BRD10: variants seen among roughly 807,000 people sequenced by gnomAD.
BRD10 encodes the protein uncharacterized bromodomain-containing protein 10.
chr9:6,008,446 G>GA, the BRD10 span, among the ~76,000 whole-genome samples: 1 of 151,746 alleles, frequency 6.6e-6, no homozygotes, highest in East Asian at 2.0e-4. Context: ...GAGAAGCAAA[G>GA]AAAGAGGCCC....
At chr9:5,905,251 C>G in the BRD10 span, among the ~76,000 whole-genome samples, 1 of 152,176 alleles carries the variant, frequency 6.6e-6, no homozygotes, top group East Asian at 1.9e-4. Flanking sequence ...ATCCTCCAAA[C>G]AACTGAATGG....
At chr9:5,880,556 C>G in the BRD10 span, among the ~76,000 whole-genome samples, 1 of 152,062 alleles carries the variant, frequency 6.6e-6, no homozygotes, top group Non-Finnish European at 1.5e-5. Context: ...CAAAAAAACA[C>G]TGAAGTTCTT....
chr9:5,914,410 G>GTTTTTTTTTTTTTT, the BRD10 span, among the ~76,000 whole-genome samples: 1 of 75,458 alleles, frequency 1.3e-5, no homozygotes, highest in African/African-American at 5.9e-5. Context: ...AATCCAGATG[G>GTTTTTTTTTTTTTT]TTTTTTTTTT....
At chr9:5,936,042 T>G in the BRD10 span, among the ~76,000 whole-genome samples, 9 of 152,348 alleles carry the variant, frequency 5.9e-5, no homozygotes, top group South Asian at 1.7e-3. Flanking sequence ...TTACTTATTT[T>G]TTTCAATTGC....
At chr9:5,967,754 AG>A in the BRD10 span, among the ~76,000 whole-genome samples, 1 of 152,052 alleles carries the variant, frequency 6.6e-6, no homozygotes, top group African/African-American at 2.4e-5. Flanking sequence ...GTCCAGAGAA[AG>A]GTAAAAACAT....
the BRD10 span, chr9:5,988,640 C>CTTTT: frequency 3.5e-6 from 3 of 860,176 alleles, no homozygotes; most frequent in Non-Finnish European, 5.5e-6. Context: ...TTGCTAAATA[C>CTTTT]ATAAAAGTAT....
the BRD10 span, among the ~76,000 whole-genome samples, chr9:5,944,281 C>T: frequency 3.3e-5 from 5 of 151,820 alleles, no homozygotes; most frequent in Admixed American, 1.3e-4. Context: ...TACCAAGTAT[C>T]AGGTGAATAA....
At chr9:6,004,170 G>C in the BRD10 span, among the ~76,000 whole-genome samples, 3 of 152,102 alleles carry the variant, frequency 2.0e-5, no homozygotes, top group Admixed American at 6.5e-5. Context: ...CGTCTCACTT[G>C]TCATCCCCAC....
At chr9:5,988,516 A>C in the BRD10 span, 1 of 1,613,900 alleles carries the variant, frequency 6.2e-7, no homozygotes, top group Non-Finnish European at 8.5e-7. Flanking sequence ...TCTAGATGTA[A>C]CTGCTATCGT....
the BRD10 span, among the ~76,000 whole-genome samples, chr9:5,902,092 C>G: frequency 6.6e-6 from 1 of 152,168 alleles, no homozygotes; most frequent in Non-Finnish European, 1.5e-5. Context: ...GGTATAATAT[C>G]TTTCTTAAAT....
chr9:5,920,033 G>T, the BRD10 span: 8 of 1,613,866 alleles, frequency 5.0e-6, no homozygotes, highest in Non-Finnish European at 6.8e-6. Flanking sequence ...CTTAGCAGTT[G>T]TGTTTATGAG....
At chr9:5,910,426 T>A in the BRD10 span, 3 of 152,234 alleles carry the variant, frequency 2.0e-5, no homozygotes, top group Non-Finnish European at 2.9e-5. Flanking sequence ...CAAGTCTTAC[T>A]ACTTAAAATA....
chr9:5,946,817 A>G, the BRD10 span, among the ~76,000 whole-genome samples: 1 of 152,256 alleles, frequency 6.6e-6, no homozygotes, highest in African/African-American at 2.4e-5. Context: ...GAAGACATAT[A>G]CCCCTAGAAC....
chr9:5,932,602 A>G, the BRD10 span, among the ~76,000 whole-genome samples: 1 of 152,148 alleles, frequency 6.6e-6, no homozygotes, highest in Non-Finnish European at 1.5e-5. Context: ...ATACATAAAG[A>G]CTACACCATT....
chr9:5,952,039 AGAGACAGAG>A, the BRD10 span, among the ~76,000 whole-genome samples: 1 of 151,502 alleles, frequency 6.6e-6, no homozygotes, highest in Non-Finnish European at 1.5e-5. Flanking sequence ...TTATTTATTT[AGAGACAGAG>A]TTTCCCTCAT....
the BRD10 span, among the ~76,000 whole-genome samples, chr9:6,002,632 C>G: frequency 6.6e-6 from 1 of 150,890 alleles, no homozygotes; most frequent in Non-Finnish European, 1.5e-5. Flanking sequence ...TTGATTACTA[C>G]TTGTACTTGG....
the BRD10 span, chr9:5,923,058 T>A: frequency 6.2e-7 from 1 of 1,614,038 alleles, no homozygotes; most frequent in Non-Finnish European, 8.5e-7. Context: ...GATGGCTCTG[T>A]ATGCTTTGAT....
the BRD10 span, among the ~76,000 whole-genome samples, chr9:5,982,694 A>G: frequency 6.6e-6 from 1 of 152,296 alleles, no homozygotes; most frequent in African/African-American, 2.4e-5. Context: ...TTCTCTTCAT[A>G]AATTACCCAG....
the BRD10 span, among the ~76,000 whole-genome samples, chr9:5,979,952 T>G: frequency 6.8e-6 from 1 of 147,524 alleles, no homozygotes; most frequent in African/African-American, 2.5e-5. Context: ...GAGGTGGAGG[T>G]TGCAGTGAGC....
Sources: allele counts gnomAD v4.1 joint callset (sites outside exome capture counted in the v4.1 genomes callset), GRCh38; gene constraint gnomAD v4.1.1; transcripts MANE v1.5; gene names NCBI Gene and HGNC (gene_info 2026-07-23, HGNC 2026-07-21).